COL5A2: variants seen among roughly 807,000 people sequenced by gnomAD.
COL5A2 encodes the protein collagen type V alpha 2 chain, also known as collagen alpha-2(V) chain.
COL5A2 carries 23 observed loss-of-function variants against 208.2 expected under a neutral mutation model. The observed-to-expected ratio is 0.11, with a 90% confidence interval of 0.08 to 0.16. The LOEUF is 0.16. COL5A2 is among the 10% of genes least tolerant of loss of function. The probability of loss-of-function intolerance (pLI) is 1.00; values close to 1 mark genes in which losing one functional copy is unlikely to be tolerated. For synonymous variants in COL5A2, 625 were observed against 628.5 expected, an observed-to-expected ratio of 0.99 and a Z score of 0.08; for missense variants, 1,590 against 1,956.4, an observed-to-expected ratio of 0.81 and a Z score of 3.53.
intron 1 of COL5A2, among the ~76,000 whole-genome samples, chr2:189,172,870 T>G (rs1024729910): frequency 1.9e-4 from 29 of 151,596 alleles, no homozygotes; most frequent in African/African-American, 6.5e-4. Context: ...AAAAAGCATG[T>G]AAACATTTTT....
chr2:189,406,682 C>A, the COL5A2 span, among the ~76,000 whole-genome samples: 10,122 of 152,020 alleles, frequency 0.067, 470 homozygotes, highest in Non-Finnish European at 0.1. Context: ...TTAAACTGAC[C>A]GACTTATACA....
Position 189,057,330 on chromosome 2 carries a change from T to C in COL5A2, c.2327A>G (p.Lys776Arg), listed in dbSNP as rs1365018283. 1.4e-6 allele frequency: 2 copies of C among 1,467,810 alleles called. No homozygotes were observed. 90.9% of individuals were successfully genotyped at this position (1,467,810 alleles called of 1,614,324 possible). A position where few individuals can be genotyped will look rare whatever the true frequency, so the allele number is the denominator to read the frequency against. Reference protein sequence around the residue: ...ERGIAGTPGPKGDRGGIGEKG... With the variant: ...ERGIAGTPGPRGDRGGIGEKG... ...AAAAAAAGGACTTACTCTGTCACCC[T>C]TGGGGCCAGGAGTTCCTGCAATTCC... The change falls in exon 34 of 54, where the codon AAG becomes AGG. Residue 776 changes from lysine to arginine, a missense_variant. Transcript: ENST00000374866.
intron 50 of COL5A2, among the ~76,000 whole-genome samples, chr2:189,040,986 G>A (rs994909924): frequency 2.6e-5 from 4 of 152,212 alleles, no homozygotes; most frequent in Non-Finnish European, 5.9e-5. Flanking sequence ...CAATGAGGAA[G>A]AAACACCAGA....
At chr2:189,106,053 T>C (rs776871245) in intron 2 of COL5A2, among the ~76,000 whole-genome samples, 1 of 151,520 alleles carries the variant, frequency 6.6e-6, no homozygotes, top group Non-Finnish European at 1.5e-5. Flanking sequence ...CTTGTAGGGC[T>C]AGTCATCCTT....
At chr2:189,123,249 C>T (rs1407863831) in intron 1 of COL5A2, among the ~76,000 whole-genome samples, 3 of 152,164 alleles carry the variant, frequency 2.0e-5, no homozygotes, top group Non-Finnish European at 4.4e-5. Context: ...CAGGCATGAG[C>T]CACTGCGCCA....
chr2:189,243,827 T>A, the COL5A2 span, among the ~76,000 whole-genome samples: 1 of 152,204 alleles, frequency 6.6e-6, no homozygotes, highest in South Asian at 2.1e-4. Flanking sequence ...ACTTCCTAGA[T>A]ACAATGGAGG....
At chr2:189,144,055 T>C (rs974889563) in intron 1 of COL5A2, among the ~76,000 whole-genome samples, 30 of 152,132 alleles carry the variant, frequency 2.0e-4, no homozygotes, top group South Asian at 2.1e-4. Context: ...AACAACGTAG[T>C]GTTTGTATTT....
the COL5A2 span, among the ~76,000 whole-genome samples, chr2:189,358,821 T>G: frequency 6.6e-6 from 1 of 151,982 alleles, no homozygotes; most frequent in Non-Finnish European, 1.5e-5. Context: ...CCTAGGTACT[T>G]TTTGTAGCTA....
At chr2:189,085,834 T>C in intron 9 of COL5A2, 62 bp from the exon 10 acceptor site, 1 of 1,296,864 alleles carries the variant, frequency 7.7e-7, no homozygotes, top group Non-Finnish European at 1.1e-6. Context: ...AACCCTGTAC[T>C]CTGTCAATAT....
chr2:189,242,344 T>G, the COL5A2 span, among the ~76,000 whole-genome samples: 2 of 152,234 alleles, frequency 1.3e-5, no homozygotes, highest in Non-Finnish European at 2.9e-5. Context: ...GTAGGTACTG[T>G]TATTTTATAG....
At position 189,195,978 on chromosome 2, in the gene COL5A2, C is replaced by T. The variant is rs193023303; in HGVS notation, c.-42+29170G>A. 2.5e-3 allele frequency among the ~76,000 whole-genome samples: 387 copies of T among 152,246 alleles called. 3 individuals are homozygous for T. Among genetic ancestry groups the T allele is most frequent in the African/African-American group, 7.7e-3 (318 of 41,544 alleles). On this transcript the variant is annotated intron_variant, in intron 1 of 10. Coordinates refer to the COL5A2 transcript ENST00000649966. ...AATGGTATCTAATTAAACTAAAGAT[C>T]TTCTGCACAGCAAAAGAAACTATCA...
At chr2:189,045,437 T>C (rs2153507316) in intron 46 of COL5A2, among the ~76,000 whole-genome samples, 1 of 151,808 alleles carries the variant, frequency 6.6e-6, no homozygotes, top group South Asian at 2.1e-4. Context: ...CACTATAACT[T>C]CAATGACACT....
chr2:189,420,610 A>G, the COL5A2 span, among the ~76,000 whole-genome samples: 1 of 152,022 alleles, frequency 6.6e-6, no homozygotes, highest in Non-Finnish European at 1.5e-5. Context: ...ACTAAAATAT[A>G]CAATATTTTA....
chr2:189,048,076 C>A (rs1180623649), intron 45 of COL5A2, 133 bp downstream of exon 45: 4 of 774,214 alleles, frequency 5.2e-6, no homozygotes, highest in African/African-American at 3.5e-5. Context: ...TATGGCTTTA[C>A]AGAAACAGTT....
intron 43 of COL5A2, 91 bp downstream of exon 43, chr2:189,050,478 T>C (rs555743618): frequency 2.8e-6 from 3 of 1,060,498 alleles, no homozygotes; most frequent in East Asian, 2.6e-5. Flanking sequence ...ACTGTTTAAA[T>C]CTATTCATCA....
chr2:189,329,309 C>A, the COL5A2 span, among the ~76,000 whole-genome samples: 1 of 152,064 alleles, frequency 6.6e-6, no homozygotes, highest in Admixed American at 6.5e-5. Flanking sequence ...GAGAGTAAAA[C>A]AGTAGTTACC....
the COL5A2 span, among the ~76,000 whole-genome samples, chr2:189,382,035 T>C: frequency 2.0e-5 from 3 of 152,202 alleles, no homozygotes; most frequent in Non-Finnish European, 2.9e-5. Context: ...ATGTAATAAT[T>C]TCCTGCTGTT....
chr2:189,118,049 A>T (rs1687429465), intron 1 of COL5A2, among the ~76,000 whole-genome samples: 1 of 151,560 alleles, frequency 6.6e-6, no homozygotes, highest in South Asian at 2.1e-4. Context: ...AATTGTTAAG[A>T]ATACCAAGTA....
At chr2:189,314,483 G>A in the COL5A2 span, among the ~76,000 whole-genome samples, 41 of 152,114 alleles carry the variant, frequency 2.7e-4, no homozygotes, top group African/African-American at 9.4e-4. Context: ...ACATCAAAAA[G>A]TTAGAAAAAC....
Sources: gnomAD v4.1 joint callset for allele counts (sites outside exome capture counted in the v4.1 genomes callset) on GRCh38, gnomAD v4.1.1 for gene constraint, MANE v1.5 for transcripts, NCBI Gene and HGNC (gene_info 2026-07-23, HGNC 2026-07-21) for gene names.